Variants in DYNC2LI1 observed in about 807,000 individuals in gnomAD.
DYNC2LI1 encodes dynein cytoplasmic 2 light intermediate chain 1.
A neutral mutation model predicts 51.9 loss-of-function variants in DYNC2LI1; 45 were observed. The observed-to-expected ratio is 0.87, with a 90% CI of 0.68 to 1.11. DYNC2LI1 has a LOEUF of 1.11. DYNC2LI1 is among the 50% of genes most tolerant of loss of function. The pLI is 0.00. For synonymous variants in DYNC2LI1, 130 were observed against 137.8 expected, an observed-to-expected ratio of 0.94 and a Z score of 0.40; for missense variants, 490 against 417.4, an observed-to-expected ratio of 1.17 and a Z score of -1.51.
chr2:43,792,638 A>G, intron 5 of DYNC2LI1: 1 of 1,518,102 alleles, frequency 6.6e-7, no homozygotes, highest in Non-Finnish European at 8.8e-7. Flanking sequence ...GAAACTCTTT[A>G]CCTATTAAAC....
At chr2:43,801,426 G>A (rs571348388) in intron 9 of DYNC2LI1, 2 of 392,034 alleles carry the variant, frequency 5.1e-6, no homozygotes, top group South Asian at 4.6e-5. Flanking sequence ...AGGTAATAGG[G>A]TCTGTCACTT....
the DYNC2LI1 span, among the ~76,000 whole-genome samples, chr2:43,826,167 T>TTTC: frequency 7.7e-6 from 1 of 130,502 alleles, no homozygotes; most frequent in Non-Finnish European, 1.7e-5. Context: ...TCTTTCTTTC[T>TTTC]TTTTTTTTTT....
At chr2:43,778,867 CTGTTTTT>C (rs1398878385) in intron 2 of DYNC2LI1, among the ~76,000 whole-genome samples, 5 of 152,132 alleles carry the variant, frequency 3.3e-5, no homozygotes, top group African/African-American at 1.2e-4. Flanking sequence ...CATATACAAA[CTGTTTTT>C]TGTTTTTAGT....
intron 4 of DYNC2LI1, among the ~76,000 whole-genome samples, chr2:43,787,451 T>C (rs1374579408): frequency 6.6e-6 from 1 of 152,266 alleles, no homozygotes; most frequent in East Asian, 1.9e-4. Flanking sequence ...CCTTCTCATT[T>C]ATTATGTCTT....
intron 5 of DYNC2LI1, chr2:43,793,594 T>TGCC (rs1177993405): frequency 4.8e-5 from 7 of 146,384 alleles, no homozygotes; most frequent in African/African-American, 1.8e-4. Flanking sequence ...TTGAGTCTTT[T>TGCC]GCCTTCTTTT....
chr2:43,804,565 A>T, intron 10 of DYNC2LI1, 77 bp from the exon 11 acceptor site: 2 of 908,966 alleles, frequency 2.2e-6, no homozygotes, highest in Non-Finnish European at 3.4e-6. Context: ...TACCTTTGTT[A>T]GTGTCATTTC....
At chr2:43,823,362 C>T in the DYNC2LI1 span, among the ~76,000 whole-genome samples, 2 of 137,484 alleles carry the variant, frequency 1.5e-5, no homozygotes, top group African/African-American at 5.4e-5. Flanking sequence ...AGACACTTAG[C>T]ATTGCCCCTC....
At chr2:43,776,722 A>G (rs1673040131) in intron 1 of DYNC2LI1, 60 bp from the exon 2 acceptor site, 2 of 775,358 alleles carry the variant, frequency 2.6e-6, no homozygotes, top group South Asian at 3.7e-5. Context: ...TCTGAGCTTG[A>G]AATAAATATT....
the DYNC2LI1 span, chr2:43,822,478 G>GCC: frequency 0.015 from 6,914 of 461,566 alleles, 141 homozygotes; most frequent in Admixed American, 0.024. Flanking sequence ...CCTCCCCCAG[G>GCC]CCCCCCCCCA....
At chr2:43,789,537 A>G in intron 4 of DYNC2LI1, 96 bp from the exon 5 acceptor site, 1 of 1,004,748 alleles carries the variant, frequency 1.0e-6, no homozygotes. Context: ...TTGATTAAGG[A>G]CTGCAATATT....
chr2:43,781,448 T>C (rs1673277532), intron 2 of DYNC2LI1, among the ~76,000 whole-genome samples: 2 of 152,068 alleles, frequency 1.3e-5, no homozygotes, highest in Non-Finnish European at 2.9e-5. Flanking sequence ...GGAAATTGGC[T>C]AGATATTATT....
At chr2:43,813,115 A>T, downstream of DYNC2LI1, 1 of 1,151,802 alleles carries the variant, frequency 8.7e-7, no homozygotes, top group South Asian at 1.2e-5. Flanking sequence ...CATGGCTTTC[A>T]CTACCTGCTA....
chr2:43,783,928 G>A (rs1457635906), intron 3 of DYNC2LI1, among the ~76,000 whole-genome samples: 1 of 152,138 alleles, frequency 6.6e-6, no homozygotes, highest in Non-Finnish European at 1.5e-5. Flanking sequence ...CATTTTTGAA[G>A]CACAGTGTTG....
chr2:43,794,869 G>A (rs981725776), intron 6 of DYNC2LI1: 1 of 1,423,196 alleles, frequency 7.0e-7, no homozygotes, highest in Non-Finnish European at 9.2e-7. Flanking sequence ...TGATTGTTAT[G>A]GCATATTACA....
chr2:43,786,556 C>T (rs1219965648), intron 3 of DYNC2LI1, among the ~76,000 whole-genome samples: 1 of 152,080 alleles, frequency 6.6e-6, no homozygotes, highest in African/African-American at 2.4e-5. Context: ...CCCAGTGTCA[C>T]TTTGGGAGGC....
chr2:43,819,527 G>A, the DYNC2LI1 span, among the ~76,000 whole-genome samples: 2 of 151,450 alleles, frequency 1.3e-5, no homozygotes, highest in East Asian at 3.9e-4. Context: ...GAATAACTGG[G>A]AATTGAGAAC....
chr2:43,790,333 C>G (rs1402110866), intron 5 of DYNC2LI1, among the ~76,000 whole-genome samples: 1 of 152,110 alleles, frequency 6.6e-6, no homozygotes, highest in Non-Finnish European at 1.5e-5. Context: ...GGGAACTGGT[C>G]TTAGCTAAGA....
intron 10 of DYNC2LI1, 36 bp from the exon 11 acceptor site, chr2:43,804,606 C>T: frequency 7.8e-7 from 1 of 1,284,382 alleles, no homozygotes; most frequent in Non-Finnish European, 1.1e-6. Flanking sequence ...ATATTTTAAT[C>T]ATTGCAGTCA....
chr2:43,816,151 C>T, the DYNC2LI1 span, among the ~76,000 whole-genome samples: 1 of 152,150 alleles, frequency 6.6e-6, no homozygotes, highest in Admixed American at 6.5e-5. Flanking sequence ...GTGAGTGATG[C>T]AGTGTGTATA....
Sources: allele counts gnomAD v4.1 joint callset (sites outside exome capture counted in the v4.1 genomes callset), GRCh38; gene constraint gnomAD v4.1.1; transcripts MANE v1.5; gene names NCBI Gene and HGNC (gene_info 2026-07-23, HGNC 2026-07-21).